SH3RF3: variants seen among roughly 807,000 people sequenced by gnomAD.
The protein encoded by SH3RF3 is E3 ubiquitin-protein ligase SH3RF3.
In SH3RF3, 29 loss-of-function variants were observed where a neutral mutation model predicts 66.3. The ratio of observed to expected loss-of-function variants is 0.44; its 90% CI spans 0.33 to 0.60. SH3RF3 has a LOEUF of 0.60. Among genes scored for constraint, SH3RF3 ranks in the 20% least tolerant of loss-of-function variants. The pLI is 0.04. For missense variants in SH3RF3, 1,194 were observed against 1,190.9 expected (o/e 1.00, Z -0.04); for synonymous variants, 583 against 532.0 (o/e 1.10, Z -1.32).
At chr2:109,267,394 C>T (rs897335220) in intron 1 of SH3RF3, among the ~76,000 whole-genome samples, 3 of 152,192 alleles carry the variant, frequency 2.0e-5, no homozygotes, top group African/African-American at 7.2e-5. Context: ...AAGTGCTGAG[C>T]TTGCCCGAAG....
In SH3RF3 at chr2:109,347,056, C is replaced by T. The variant is rs556362338; in HGVS notation, c.574-618C>T. 1.8e-4 allele frequency among the ~76,000 whole-genome samples: 27 copies of T among 152,272 alleles called. No individual in the cohort carries two copies. The South Asian group carries it at 5.2e-3, about 29-fold the overall frequency. On this transcript the variant is annotated intron_variant, in intron 1 of 9. Coordinates refer to ENST00000309415, the MANE Select transcript of SH3RF3 (RefSeq NM_001099289.3). ...CTGGCCATGAGTCCTCTGAGTGGAACGCTCAGCACGACGGATGCCATGCAC... is the reference window on the plus strand; with the variant it reads ...CTGGCCATGAGTCCTCTGAGTGGAATGCTCAGCACGACGGATGCCATGCAC...
chr2:109,478,733 C>T (rs2104755226), intron 8 of SH3RF3, among the ~76,000 whole-genome samples: 3 of 152,284 alleles, frequency 2.0e-5, no homozygotes, highest in Admixed American at 2.0e-4. Context: ...GTAAGATCTT[C>T]TTGCTCAGAG....
rs1680498375 is a variant in SH3RF3, at chr2:109,266,465, A to G, written c.574-81209A>G. Among the ~76,000 whole-genome samples the G allele has an allele frequency of 2.0e-5, 3 of 152,036 alleles. No homozygotes were observed. The South Asian group carries it at 6.2e-4, about 32-fold the overall frequency. On this transcript the variant is annotated intron_variant, in intron 1 of 9. Transcript: ENST00000309415. ...TTGACAAGGGACACCTATGTTTGGG[A>G]GTGGTCCCAGAACGGTATCCTTAAT...
intron 2 of SH3RF3, among the ~76,000 whole-genome samples, chr2:109,349,310 C>T (rs534735507): frequency 6.6e-6 from 1 of 152,314 alleles, no homozygotes; most frequent in East Asian, 1.9e-4. Flanking sequence ...TTCAGGGATT[C>T]AACTCCTTCT....
chr2:109,408,652 C>G (rs1393221885), intron 4 of SH3RF3, among the ~76,000 whole-genome samples: 1 of 152,242 alleles, frequency 6.6e-6, no homozygotes, highest in East Asian at 1.9e-4. Context: ...CACTGGCACT[C>G]TCAGACAGAA....
intron 1 of SH3RF3, among the ~76,000 whole-genome samples, chr2:109,213,900 G>A (rs546483584): frequency 6.6e-6 from 1 of 152,300 alleles, no homozygotes; most frequent in East Asian, 1.9e-4. Flanking sequence ...AAGCCTCCCG[G>A]GACACTGGTG....
intron 8 of SH3RF3, among the ~76,000 whole-genome samples, chr2:109,477,368 A>T (rs924222217): frequency 4.6e-5 from 7 of 152,136 alleles, no homozygotes; most frequent in Admixed American, 2.6e-4. Context: ...GCCCACCACA[A>T]TCATTCATTC....
chr2:109,241,279 A>C (rs1430468345), intron 1 of SH3RF3, among the ~76,000 whole-genome samples: 1 of 152,230 alleles, frequency 6.6e-6, no homozygotes, highest in East Asian at 1.9e-4. Flanking sequence ...CAGAAAAGAC[A>C]AATTCATTTG....
chr2:109,336,960 T>C (rs1342601091), intron 1 of SH3RF3, among the ~76,000 whole-genome samples: 1 of 152,188 alleles, frequency 6.6e-6, no homozygotes, highest in Non-Finnish European at 1.5e-5. Context: ...GGGCAGCAAA[T>C]TGCAGAATTA....
chr2:109,254,808 A>G (rs1362317148), intron 1 of SH3RF3, among the ~76,000 whole-genome samples: 1 of 151,924 alleles, frequency 6.6e-6, no homozygotes, highest in Non-Finnish European at 1.5e-5. Context: ...ACAGATGGGT[A>G]CTTCTAGGCT....
At chr2:109,186,491 A>C (rs1678189505) in intron 1 of SH3RF3, among the ~76,000 whole-genome samples, 1 of 152,230 alleles carries the variant, frequency 6.6e-6, no homozygotes, top group South Asian at 2.1e-4. Flanking sequence ...TGTGTGTAAA[A>C]TGAAAGCATG....
chr2:109,275,860 C>T (rs1044804190), intron 1 of SH3RF3, among the ~76,000 whole-genome samples: 4 of 152,044 alleles, frequency 2.6e-5, no homozygotes, highest in Admixed American at 6.6e-5. Flanking sequence ...CCTTCAAGGT[C>T]GGTTGGTTTT....
At chr2:109,303,166 G>A (rs1016772353) in intron 1 of SH3RF3, among the ~76,000 whole-genome samples, 2 of 152,182 alleles carry the variant, frequency 1.3e-5, no homozygotes, top group Non-Finnish European at 2.9e-5. Flanking sequence ...GTGAGCCACC[G>A]CGCCCGGCCG....
intron 6 of SH3RF3, among the ~76,000 whole-genome samples, chr2:109,433,946 C>T (rs1363759245): frequency 6.6e-6 from 1 of 152,236 alleles, no homozygotes; most frequent in Non-Finnish European, 1.5e-5. Context: ...CTGCCCACAG[C>T]CTCCTGCGGC....
chr2:109,133,698 G>T (rs568773733), intron 1 of SH3RF3, among the ~76,000 whole-genome samples: 1 of 149,782 alleles, frequency 6.7e-6, no homozygotes, highest in Admixed American at 6.7e-5. Flanking sequence ...TTCATACATG[G>T]TCATCTTGAT....
At chr2:109,253,980 C>T (rs1373687274) in intron 1 of SH3RF3, among the ~76,000 whole-genome samples, 1 of 151,814 alleles carries the variant, frequency 6.6e-6, no homozygotes. Flanking sequence ...GGGCCTGGCC[C>T]CTGAGATGTG....
chr2:109,325,395 A>G (rs1682130762), intron 1 of SH3RF3, among the ~76,000 whole-genome samples: 2 of 125,596 alleles, frequency 1.6e-5, no homozygotes, highest in South Asian at 5.0e-4. Flanking sequence ...AGGCTGGAGT[A>G]CAGTGGTGTG....
At chr2:109,226,652 T>C (rs1331259033) in intron 1 of SH3RF3, among the ~76,000 whole-genome samples, 1 of 152,240 alleles carries the variant, frequency 6.6e-6, no homozygotes, top group Non-Finnish European at 1.5e-5. Context: ...CCATCTTGAC[T>C]TCTCCCGGGG....
intron 1 of SH3RF3, among the ~76,000 whole-genome samples, chr2:109,322,606 T>A (rs923693332): frequency 6.6e-5 from 10 of 152,382 alleles, no homozygotes; most frequent in Non-Finnish European, 1.5e-4. Context: ...TGAATAAATC[T>A]GCAGTAGTCG....
Sources: allele counts gnomAD v4.1 joint callset (sites outside exome capture counted in the v4.1 genomes callset), GRCh38; gene constraint gnomAD v4.1.1; transcripts MANE v1.5; gene names NCBI Gene and HGNC (gene_info 2026-07-23, HGNC 2026-07-21).